CFDP1: variants seen among roughly 807,000 people sequenced by gnomAD.
CFDP1 encodes heterochromatin-stabilizing protein CFDP1.
In CFDP1, 31 loss-of-function variants were observed where a neutral mutation model predicts 40.1. That is an observed-to-expected ratio of 0.77 (90% CI 0.58 to 1.04). The LOEUF (loss-of-function observed/expected upper bound fraction) is 1.04, where lower values mean the gene tolerates loss of function less well. Among genes scored for constraint, CFDP1 ranks in the 50% least tolerant of loss-of-function variants. CFDP1 has a pLI of 0.00. For missense variants in CFDP1, 423 were observed against 343.4 expected (o/e 1.23, Z -1.83); for synonymous variants, 167 against 120.0 (o/e 1.39, Z -2.56).
chr16:75,428,338 G>C (rs2079365788), intron 1 of CFDP1, among the ~76,000 whole-genome samples: 1 of 152,136 alleles, frequency 6.6e-6, no homozygotes, highest in African/African-American at 2.4e-5. Flanking sequence ...AAAGTTGGCT[G>C]GGCTCAGTGG....
At chr16:75,352,390 TA>T (rs540851236) in intron 5 of CFDP1, among the ~76,000 whole-genome samples, 14 of 146,270 alleles carry the variant, frequency 9.6e-5, no homozygotes, top group African/African-American at 1.8e-4. Context: ...ACCACCCAAT[TA>T]AAAAAAAAAG....
At chr16:75,422,623 G>A (rs371356873) in intron 1 of CFDP1, among the ~76,000 whole-genome samples, 2 of 149,748 alleles carry the variant, frequency 1.3e-5, no homozygotes, top group East Asian at 4.0e-4. Flanking sequence ...TTGAACTCCT[G>A]GCCTCAAGTG....
chr16:75,398,534 C>T (rs1175779241), intron 4 of CFDP1, among the ~76,000 whole-genome samples: 3 of 151,970 alleles, frequency 2.0e-5, no homozygotes, highest in Non-Finnish European at 4.4e-5. Context: ...TTCCACCTGG[C>T]ATGCTTCCAC....
At chr16:75,400,123 A>G (rs1302278248) in intron 4 of CFDP1, among the ~76,000 whole-genome samples, 3 of 135,446 alleles carry the variant, frequency 2.2e-5, no homozygotes, top group African/African-American at 6.4e-5. Flanking sequence ...AAAAAAAAGG[A>G]AAAAAAAAAT....
intron 5 of CFDP1, among the ~76,000 whole-genome samples, chr16:75,384,900 T>TATATA (rs1567665491): frequency 2.5e-4 from 28 of 113,094 alleles, no homozygotes; most frequent in African/African-American, 9.3e-4. Flanking sequence ...ATATATATAT[T>TATATA]GCAGACCAGT....
At chr16:75,345,283 C>G (rs1008179110) in intron 5 of CFDP1, among the ~76,000 whole-genome samples, 7 of 151,984 alleles carry the variant, frequency 4.6e-5, no homozygotes, top group Admixed American at 2.6e-4. Context: ...ATAGCAAAAC[C>G]CTGTCTCTAC....
intron 5 of CFDP1, among the ~76,000 whole-genome samples, chr16:75,370,574 A>C (rs560949151): frequency 6.6e-6 from 1 of 152,226 alleles, no homozygotes; most frequent in South Asian, 2.1e-4. Flanking sequence ...TAATAATAAT[A>C]ATGTGTGGCA....
In CFDP1 at chr16:75,401,164, C is replaced by A. The variant is rs2079048977; in HGVS notation, c.531-5955G>T. 1.3e-5 allele frequency among the ~76,000 whole-genome samples: 2 copies of A among 152,070 alleles called. 1 individual carries two copies. Among genetic ancestry groups the A allele is most frequent in the South Asian group, 4.2e-4 (2 of 4,814 alleles). ...CAAAAATTGGCTGGGCGCAGTGGCT[C>A]ACGCATGTAATCCCAGCACTTTGGG... On this transcript the variant is annotated intron_variant, in intron 4 of 6. Transcript: ENST00000283882.
At chr16:75,362,390 G>A (rs1203713751) in intron 5 of CFDP1, among the ~76,000 whole-genome samples, 1 of 152,174 alleles carries the variant, frequency 6.6e-6, no homozygotes, top group South Asian at 2.1e-4. Context: ...TCTCCTTTGA[G>A]GAGTCAACCT....
chr16:75,329,997 G>A (rs2078433572), intron 5 of CFDP1, among the ~76,000 whole-genome samples: 1 of 152,114 alleles, frequency 6.6e-6, no homozygotes, highest in Admixed American at 6.5e-5. Flanking sequence ...TCAGTGCTAA[G>A]AACCACGTGC....
intron 5 of CFDP1, among the ~76,000 whole-genome samples, chr16:75,319,895 A>G (rs577207980): frequency 2.6e-5 from 4 of 152,370 alleles, no homozygotes; most frequent in African/African-American, 9.6e-5. Flanking sequence ...CAACAAAGAA[A>G]TATTCGTTTC....
chr16:75,407,654 C>A (rs1321660256), intron 4 of CFDP1, among the ~76,000 whole-genome samples: 448 of 116,692 alleles, frequency 3.8e-3, no homozygotes, highest in Admixed American at 5.1e-3. Context: ...GACCCTGTCT[C>A]AAAAAAAAAA....
Position 75,328,383 on chromosome 16 carries a change from G to A in CFDP1, c.651-23201C>T, listed in dbSNP as rs2078419098. 1.3e-5 allele frequency among the ~76,000 whole-genome samples: 2 copies of A among 148,358 alleles called. 1 individual carries two copies. The highest frequency in any genetic ancestry group is 1.3e-4 in the Admixed American group (2 of 14,994). Reference sequence around the variant, plus strand: ...GTGGATCACCTGAGGTCAGGAGTTCGAGACCAGCCTGGCCAACATGGTGAA... The same window carrying A: ...GTGGATCACCTGAGGTCAGGAGTTCAAGACCAGCCTGGCCAACATGGTGAA... On this transcript the variant is annotated intron_variant, in intron 5 of 6. Coordinates refer to ENST00000283882, the MANE Select transcript of CFDP1 (RefSeq NM_006324.3).
In CFDP1 at chr16:75,293,877, G is replaced by T; in HGVS notation, c.*75C>A. The stretch of plus-strand genomic sequence containing the variant: ...TGGGAAACAGATGATGAGAAACACT[G>T]TAAAACATTTCACAGACGCACAAAA... On this transcript the variant is annotated 3_prime_UTR_variant, in exon 7 of 7. Coordinates refer to ENST00000283882, the MANE Select transcript of CFDP1 (RefSeq NM_006324.3). 8.0e-7 allele frequency: 1 copy of T among 1,255,482 alleles called. No homozygotes were observed. Among genetic ancestry groups the T allele is most frequent in the Non-Finnish European group, 1.2e-6 (1 of 864,726 alleles). The allele number at this position is 1,255,482 out of a possible 1,614,324, so 77.8% of individuals were successfully genotyped here.
At chr16:75,411,533 T>C (rs1274972018) in intron 4 of CFDP1, among the ~76,000 whole-genome samples, 2 of 152,204 alleles carry the variant, frequency 1.3e-5, no homozygotes, top group African/African-American at 2.4e-5. Flanking sequence ...AGACATGACT[T>C]ACCAAAAGTC....
chr16:75,399,006 G>A (rs1001936431), intron 4 of CFDP1, among the ~76,000 whole-genome samples: 1 of 140,194 alleles, frequency 7.1e-6, no homozygotes, highest in Non-Finnish European at 1.5e-5. Flanking sequence ...GCAGTGAGCC[G>A]AAATCATGCC....
chr16:75,409,853 A>G (rs1013388171), intron 4 of CFDP1, among the ~76,000 whole-genome samples: 1 of 152,154 alleles, frequency 6.6e-6, no homozygotes, highest in African/African-American at 2.4e-5. Flanking sequence ...ACATTTCTAT[A>G]AGTGTGACAT....
chr16:75,347,358 A>AG (rs1468707426), intron 5 of CFDP1, among the ~76,000 whole-genome samples: 21 of 89,480 alleles, frequency 2.3e-4, no homozygotes, highest in Middle Eastern at 5.7e-3. Flanking sequence ...AAAAAAAAAA[A>AG]AAAAAAGAAA....
At chr16:75,382,109 C>T (rs1383337891) in intron 5 of CFDP1, among the ~76,000 whole-genome samples, 7 of 149,824 alleles carry the variant, frequency 4.7e-5, no homozygotes, top group Admixed American at 3.3e-4. Flanking sequence ...GAGTGAAACC[C>T]CTGTCTCAAA....
Sources: allele counts gnomAD v4.1 joint callset (sites outside exome capture counted in the v4.1 genomes callset), GRCh38; gene constraint gnomAD v4.1.1; transcripts MANE v1.5; gene names NCBI Gene and HGNC (gene_info 2026-07-23, HGNC 2026-07-21).